Variants in CUX1 observed in about 807,000 individuals in gnomAD.
The protein encoded by CUX1 is protein CASP.
In CUX1, 31 loss-of-function variants were observed where a neutral mutation model predicts 158.8. That is an observed-to-expected ratio of 0.20 (90% CI 0.15 to 0.26). CUX1 has a LOEUF of 0.26. Ranked by LOEUF, CUX1 falls within the 10% of genes least tolerant of loss-of-function variation. The pLI is 1.00. For missense variants in CUX1, 1,589 were observed against 2,014.6 expected (o/e 0.79, Z 4.04); for synonymous variants, 879 against 862.1 (o/e 1.02, Z -0.34).
chr7:101,840,875 T>C (rs187671553), intron 1 of CUX1, among the ~76,000 whole-genome samples: 2 of 151,512 alleles, frequency 1.3e-5, no homozygotes, highest in Admixed American at 1.3e-4. Context: ...GGTTTTCTAT[T>C]CTTTATTTTA....
In CUX1 at chr7:102,249,898, C is replaced by CT; in HGVS notation, c.*857dup. 1.0e-6 allele frequency: 1 copy of CT among 985,700 alleles called. No individual in the cohort carries two copies. Among genetic ancestry groups the CT allele is most frequent in the Non-Finnish European group, 1.2e-6 (1 of 829,900 alleles). 61.1% of individuals were successfully genotyped at this position (985,700 alleles called of 1,614,324 possible). ...AAAGAAAACGTCACATCAGGAAACT[C>CT]TGATTTTGTGGTAGCTGACATAGTG... On this transcript the variant is annotated 3_prime_UTR_variant, in exon 24 of 24. Coordinates refer to ENST00000292535, the MANE Select transcript of CUX1 (RefSeq NM_181552.4).
rs1586442295 is a variant in CUX1 at position 102,249,932 on chromosome 7, T to C, written c.*890T>C. On this transcript the variant is annotated 3_prime_UTR_variant, in exon 24 of 24. Coordinates refer to ENST00000292535, the MANE Select transcript of CUX1 (RefSeq NM_181552.4). ...TGGTAGCTGACATAGTGTTTTCTTG[T>C]ACGTGAATAGAATCCTGACATGTAG... 3 of 985,650 alleles carry C rather than the reference T, an allele frequency of 3.0e-6. No individual in the cohort carries two copies. The highest frequency in any genetic ancestry group is 1.7e-5 in the African/African-American group (1 of 57,222). The allele number at this position is 985,650 out of a possible 1,614,324, so 61.1% of individuals were successfully genotyped here. A position where few individuals can be genotyped will look rare whatever the true frequency, so the allele number is the denominator to read the frequency against.
At chr7:102,118,667 G>A (rs899411388) in intron 8 of CUX1, among the ~76,000 whole-genome samples, 13 of 152,230 alleles carry the variant, frequency 8.5e-5, no homozygotes, top group African/African-American at 2.9e-4. Flanking sequence ...GACCCTGAAT[G>A]AGCTATGAGC....
chr7:101,961,016 G>T, intron 2 of CUX1: 1 of 152,522 alleles, frequency 6.6e-6, no homozygotes, highest in Non-Finnish European at 1.5e-5. Flanking sequence ...CTTCTGGCTT[G>T]GGCTGTGGTG....
At chr7:102,008,193 G>A (rs1207241623) in intron 2 of CUX1, among the ~76,000 whole-genome samples, 1 of 152,144 alleles carries the variant, frequency 6.6e-6, no homozygotes. Context: ...CCGTCCACCC[G>A]CCTCTCAGGC....
intron 5 of CUX1, among the ~76,000 whole-genome samples, chr7:102,100,212 A>T (rs1554485929): frequency 6.6e-6 from 1 of 152,140 alleles, no homozygotes; most frequent in Non-Finnish European, 1.5e-5. Flanking sequence ...TGGGAGGTGG[A>T]GGTTGCAGTG....
At chr7:102,219,641 G>A (rs747679236) in intron 20 of CUX1, among the ~76,000 whole-genome samples, 14 of 152,170 alleles carry the variant, frequency 9.2e-5, no homozygotes, top group Non-Finnish European at 8.8e-5. Flanking sequence ...CGCTGGGTAC[G>A]TCTCTGATAT....
intron 1 of CUX1, among the ~76,000 whole-genome samples, chr7:101,893,712 C>T (rs1801158813): frequency 6.6e-6 from 1 of 152,192 alleles, no homozygotes. Flanking sequence ...TTTGACTTCC[C>T]AAATTGGATT....
chr7:102,116,573 A>G (rs775672828), intron 8 of CUX1, among the ~76,000 whole-genome samples: 8 of 152,098 alleles, frequency 5.3e-5, no homozygotes, highest in Non-Finnish European at 1.0e-4. Context: ...TGAACCCAGG[A>G]GTTGAGGCTG....
At chr7:101,817,594 C>A, upstream of CUX1, 1 of 1,532,916 alleles carries the variant, frequency 6.5e-7, no homozygotes, top group Non-Finnish European at 8.8e-7. This position sits in a 1 kb window ranked among gnomAD's most constrained non-coding sequence, Gnocchi z 4.1. Context: ...CACGTGCCAG[C>A]TCGGCGCCCG....
intron 11 of CUX1, among the ~76,000 whole-genome samples, chr7:102,189,259 C>CTCCTCCTG (rs1233202112): frequency 2.0e-5 from 3 of 151,784 alleles, no homozygotes; most frequent in Admixed American, 6.6e-5. Context: ...AGGAAAGCCT[C>CTCCTCCTG]TCCTCCTGTC....
At chr7:101,949,535 CT>C (rs1040153555) in intron 2 of CUX1, among the ~76,000 whole-genome samples, 18 of 138,382 alleles carry the variant, frequency 1.3e-4, no homozygotes, top group African/African-American at 2.9e-4. Flanking sequence ...CTTTTTCTTC[CT>C]TTTTTTTTCT....
At chr7:102,030,848 C>T (rs896032106) in intron 3 of CUX1, among the ~76,000 whole-genome samples, 1 of 151,878 alleles carries the variant, frequency 6.6e-6, no homozygotes, top group African/African-American at 2.4e-5. Context: ...TATACATGTG[C>T]ACCACCACAT....
At chr7:102,127,990 G>C (rs1832828112) in intron 8 of CUX1, among the ~76,000 whole-genome samples, 1 of 152,244 alleles carries the variant, frequency 6.6e-6, no homozygotes, top group South Asian at 2.1e-4. Flanking sequence ...TGGGACTACA[G>C]GTGTGTGCCA....
At chr7:102,059,978 T>C (rs1398141060) in intron 3 of CUX1, among the ~76,000 whole-genome samples, 1 of 152,170 alleles carries the variant, frequency 6.6e-6, no homozygotes. Flanking sequence ...CACTGTGGTC[T>C]TAAATGTTGC....
chr7:102,046,499 C>T (rs536088138), intron 3 of CUX1, among the ~76,000 whole-genome samples: 1 of 151,796 alleles, frequency 6.6e-6, no homozygotes, highest in South Asian at 2.1e-4. Context: ...TCCCTAACTG[C>T]TGGGATTACA....
chr7:101,927,628 C>T (rs959876888), intron 2 of CUX1, among the ~76,000 whole-genome samples: 7 of 152,054 alleles, frequency 4.6e-5, no homozygotes, highest in South Asian at 4.1e-4. Context: ...CCAGCCTGGG[C>T]GGCAGAGCAA....
chr7:102,067,004 T>C (rs1383174419), intron 3 of CUX1, among the ~76,000 whole-genome samples: 1 of 152,268 alleles, frequency 6.6e-6, no homozygotes, highest in South Asian at 2.1e-4. Context: ...ACCATATAAT[T>C]CACCCATTTA....
In CUX1 at chr7:102,122,387, C is replaced by CT. The variant is rs71801202; in HGVS notation, c.674+7126dup. ...AGACTTGCAGGGAAAAACCGATGGCCTTTTTTTTTTTTCTTCCTGTGTCTT... is the reference window on the plus strand; with the variant it reads ...AGACTTGCAGGGAAAAACCGATGGCCTTTTTTTTTTTTTCTTCCTGTGTCTT... On this transcript the variant is annotated intron_variant, in intron 8 of 23. Coordinates refer to ENST00000292535, the MANE Select transcript of CUX1 (RefSeq NM_181552.4). Among the ~76,000 whole-genome samples the CT allele has an allele frequency of 8.1e-3, 1,172 of 145,202 alleles. 21 individuals are homozygous for CT. Among genetic ancestry groups the CT allele is most frequent in the African/African-American group, 0.027 (1,065 of 39,918 alleles).
Sources: gnomAD v4.1 joint callset for allele counts (sites outside exome capture counted in the v4.1 genomes callset) on GRCh38, gnomAD v4.1.1 for gene constraint, Gnocchi (gnomAD v3.1) non-coding constraint, MANE v1.5 for transcripts, NCBI Gene and HGNC (gene_info 2026-07-23, HGNC 2026-07-21) for gene names.